The following LRRC37A2 variants were observed in gnomAD, a reference collection of about 807,000 sequenced individuals.
LRRC37A2 encodes the protein leucine rich repeat containing 37 member A2.
A neutral mutation model predicts 68.8 loss-of-function variants in LRRC37A2; 9 were observed. The observed-to-expected ratio is 0.13, with a 90% CI of 0.08 to 0.23. The LOEUF is 0.23. Ranked by LOEUF, LRRC37A2 falls within the 10% of genes least tolerant of loss-of-function variation. The pLI is 1.00. For missense variants in LRRC37A2, 168 were observed against 950.4 expected, an observed-to-expected ratio of 0.18 and a Z score of 10.82; for synonymous variants, 63 against 367.6, an observed-to-expected ratio of 0.17 and a Z score of 9.48.
the LRRC37A2 span, among the ~76,000 whole-genome samples, chr17:46,774,066 G>A: frequency 3.3e-5 from 5 of 152,244 alleles, no homozygotes; most frequent in South Asian, 2.1e-4. Flanking sequence ...GGAGCATGCC[G>A]CCCCTCAAAG....
the LRRC37A2 span, among the ~76,000 whole-genome samples, chr17:46,671,875 AG>A: frequency 2.1e-5 from 3 of 144,538 alleles, no homozygotes; most frequent in African/African-American, 7.5e-5. Flanking sequence ...GGAAAGTCTC[AG>A]TCTTGCAAAT....
chr17:46,716,311 C>T, the LRRC37A2 span, among the ~76,000 whole-genome samples: 1 of 149,758 alleles, frequency 6.7e-6, no homozygotes, highest in Admixed American at 6.7e-5. Flanking sequence ...GGCTGGAGTA[C>T]AGTGGCGTGA....
the LRRC37A2 span, among the ~76,000 whole-genome samples, chr17:46,972,828 G>A: frequency 6.6e-6 from 1 of 152,056 alleles, no homozygotes; most frequent in Non-Finnish European, 1.5e-5. Flanking sequence ...CATCTCGAGG[G>A]CAGAGCCTGA....
At chr17:46,900,194 T>C in the LRRC37A2 span, among the ~76,000 whole-genome samples, 51 of 101,754 alleles carry the variant, frequency 5.0e-4, 1 homozygote, top group Middle Eastern at 5.3e-3. Context: ...TATATATATA[T>C]ATATATATAC....
the LRRC37A2 span, among the ~76,000 whole-genome samples, chr17:46,851,253 C>A: frequency 6.6e-6 from 1 of 152,110 alleles, no homozygotes; most frequent in Non-Finnish European, 1.5e-5. This position sits in a 1 kb window ranked among gnomAD's most constrained non-coding sequence, Gnocchi z 4.3. Flanking sequence ...CCGCCCCATC[C>A]CGGAGAGGCA....
the LRRC37A2 span, among the ~76,000 whole-genome samples, chr17:46,925,712 T>G: frequency 6.6e-6 from 1 of 152,162 alleles, no homozygotes; most frequent in African/African-American, 2.4e-5. Flanking sequence ...GTAGCTGAAC[T>G]TATTAATTTT....
chr17:46,833,031 A>C, the LRRC37A2 span: 1 of 292,242 alleles, frequency 3.4e-6, no homozygotes, highest in Non-Finnish European at 6.7e-6. Flanking sequence ...GCACTTGGGG[A>C]CTGTCCCTGC....
the LRRC37A2 span, chr17:47,027,674 C>G: frequency 1.1e-6 from 1 of 903,044 alleles, no homozygotes; most frequent in Non-Finnish European, 1.8e-6. Flanking sequence ...TTTTATAAAA[C>G]TTAATTATAA....
the LRRC37A2 span, among the ~76,000 whole-genome samples, chr17:46,925,794 G>T: frequency 6.6e-6 from 1 of 152,168 alleles, no homozygotes; most frequent in Non-Finnish European, 1.5e-5. Flanking sequence ...ATTGGAATTA[G>T]ATTGACATAT....
the LRRC37A2 span, among the ~76,000 whole-genome samples, chr17:47,015,585 T>C: frequency 2.0e-5 from 3 of 152,174 alleles, no homozygotes; most frequent in Non-Finnish European, 2.9e-5. Context: ...CATGACTGCA[T>C]ATGAAAGCTC....
chr17:47,007,987 T>C, the LRRC37A2 span: 1 of 152,236 alleles, frequency 6.6e-6, no homozygotes, highest in Non-Finnish European at 1.5e-5. Flanking sequence ...ATTCTTTGCA[T>C]TGGCAATGAG....
At chr17:46,950,547 C>A in the LRRC37A2 span, among the ~76,000 whole-genome samples, 2 of 152,228 alleles carry the variant, frequency 1.3e-5, no homozygotes, top group Non-Finnish European at 2.9e-5. Flanking sequence ...TTGGACCAGG[C>A]AGCTTATTAG....
At chr17:46,854,400 G>A in the LRRC37A2 span, among the ~76,000 whole-genome samples, 796 of 152,206 alleles carry the variant, frequency 5.2e-3, 13 homozygotes, top group African/African-American at 0.018. Flanking sequence ...CATCAGGAGG[G>A]CAGGTGAGGC....
At chr17:46,753,527 A>G in the LRRC37A2 span, among the ~76,000 whole-genome samples, 6 of 152,282 alleles carry the variant, frequency 3.9e-5, no homozygotes, top group South Asian at 1.2e-3. Flanking sequence ...AAAAGTGCAA[A>G]TACAGGTGTA....
chr17:46,997,707 C>T, the LRRC37A2 span, among the ~76,000 whole-genome samples: 5 of 152,134 alleles, frequency 3.3e-5, no homozygotes, highest in East Asian at 1.9e-4. Context: ...TGGTGGCTCA[C>T]GCCTATAATC....
chr17:46,737,919 A>ATTT, the LRRC37A2 span, among the ~76,000 whole-genome samples: 1 of 12,012 alleles, frequency 8.3e-5, no homozygotes, highest in Admixed American at 2.0e-3. Flanking sequence ...TATTATTATT[A>ATTT]TTATTATTAT....
the LRRC37A2 span, chr17:47,028,360 TGTA>T: frequency 6.7e-7 from 1 of 1,482,242 alleles, no homozygotes; most frequent in Non-Finnish European, 9.4e-7. Flanking sequence ...TTACATAAGT[TGTA>T]AGTGAAATAG....
chr17:47,035,781 G>C, the LRRC37A2 span, among the ~76,000 whole-genome samples: 1 of 152,184 alleles, frequency 6.6e-6, no homozygotes, highest in Non-Finnish European at 1.5e-5. Context: ...TCCATCTGCA[G>C]TGTTTGAGGG....
At chr17:46,885,099 C>T in the LRRC37A2 span, 8 of 430,628 alleles carry the variant, frequency 1.9e-5, no homozygotes, top group Non-Finnish European at 2.3e-5. Context: ...AGCGATTCTC[C>T]CGTCTCAGCT....
Sources: gnomAD v4.1 joint callset for allele counts (sites outside exome capture counted in the v4.1 genomes callset) on GRCh38, gnomAD v4.1.1 for gene constraint, Gnocchi (gnomAD v3.1) non-coding constraint, MANE v1.5 for transcripts, NCBI Gene and HGNC (gene_info 2026-07-23, HGNC 2026-07-21) for gene names.